The following NXPE2 variants were observed in gnomAD, a reference collection of about 807,000 sequenced individuals.
NXPE2 encodes the protein neurexophilin and PC-esterase domain family member 2, also known as NXPE family member 2.
In NXPE2, 34 loss-of-function variants were observed where a neutral mutation model predicts 34.4. The observed-to-expected ratio is 0.99, with a 90% CI of 0.75 to 1.31. NXPE2 has a LOEUF of 1.31. Among genes scored for constraint, NXPE2 ranks in the 40% most tolerant of loss-of-function variants. The probability of loss-of-function intolerance (pLI) is 0.00; values close to 1 mark genes in which losing one functional copy is unlikely to be tolerated. For synonymous variants in NXPE2, 235 were observed against 231.3 expected (o/e 1.02, Z -0.15); for missense variants, 649 against 672.5 (o/e 0.97, Z 0.39).
chr11:114,764,465 C>G, the NXPE2 span, among the ~76,000 whole-genome samples: 1 of 151,132 alleles, frequency 6.6e-6, no homozygotes, highest in East Asian at 1.9e-4. Flanking sequence ...TCTGTGTGTG[C>G]GCCTCTACAT....
the NXPE2 span, among the ~76,000 whole-genome samples, chr11:114,797,549 C>T: frequency 2.6e-5 from 4 of 152,272 alleles, no homozygotes; most frequent in African/African-American, 9.6e-5. Context: ...GCACGTGGAG[C>T]TCCTCAGGCT....
chr11:114,632,110 A>G, the NXPE2 span, among the ~76,000 whole-genome samples: 2 of 144,762 alleles, frequency 1.4e-5, no homozygotes, highest in Non-Finnish European at 3.0e-5. Flanking sequence ...TGTAATATAT[A>G]AATTATATAT....
chr11:114,570,943 A>G, the NXPE2 span: 1 of 1,568,746 alleles, frequency 6.4e-7, no homozygotes, highest in Non-Finnish European at 8.7e-7. Flanking sequence ...GTTATTTAAC[A>G]AATATAGTTT....
the NXPE2 span, among the ~76,000 whole-genome samples, chr11:114,603,482 C>G: frequency 6.6e-6 from 1 of 151,336 alleles, no homozygotes; most frequent in Non-Finnish European, 1.5e-5. Flanking sequence ...TGCCTCGTCT[C>G]CTAGGTAACT....
At chr11:114,656,562 G>A in the NXPE2 span, among the ~76,000 whole-genome samples, 1 of 152,020 alleles carries the variant, frequency 6.6e-6, no homozygotes, top group Non-Finnish European at 1.5e-5. Flanking sequence ...TCAAAGAGAT[G>A]TTGTGATAAG....
the NXPE2 span, among the ~76,000 whole-genome samples, chr11:114,720,018 G>T: frequency 6.6e-6 from 1 of 152,184 alleles, no homozygotes; most frequent in East Asian, 1.9e-4. Flanking sequence ...CACAGTTGGG[G>T]TTGTCTCTGA....
At chr11:114,591,475 T>G in the NXPE2 span, among the ~76,000 whole-genome samples, 1 of 152,164 alleles carries the variant, frequency 6.6e-6, no homozygotes, top group African/African-American at 2.4e-5. Context: ...AGGAAACAAG[T>G]TAGCAGATCA....
At chr11:114,601,918 A>ATAT in the NXPE2 span, among the ~76,000 whole-genome samples, 13,491 of 55,616 alleles carry the variant, frequency 0.24, 1,414 homozygotes, top group African/African-American at 0.28. Context: ...ATATAATTAT[A>ATAT]TATAATATAT....
chr11:114,594,581 T>C, the NXPE2 span: 7 of 852,178 alleles, frequency 8.2e-6, no homozygotes, highest in Non-Finnish European at 1.4e-5. Context: ...TCTACAAGTC[T>C]TGTAGTTTAG....
the NXPE2 span, among the ~76,000 whole-genome samples, chr11:114,671,970 C>T: frequency 3.9e-5 from 6 of 152,026 alleles, no homozygotes; most frequent in Non-Finnish European, 8.8e-5. Context: ...CAGGCTTCTA[C>T]TTCTAAGGAG....
At chr11:114,474,387 AC>A in the NXPE2 span, among the ~76,000 whole-genome samples, 1 of 152,164 alleles carries the variant, frequency 6.6e-6, no homozygotes, top group Non-Finnish European at 1.5e-5. Context: ...AGCAAATGGA[AC>A]CTTTTCCCAT....
chr11:114,667,283 G>A, the NXPE2 span, among the ~76,000 whole-genome samples: 1 of 152,094 alleles, frequency 6.6e-6, no homozygotes, highest in African/African-American at 2.4e-5. Context: ...GAGTAACAGA[G>A]TGAATTTTAA....
the NXPE2 span, among the ~76,000 whole-genome samples, chr11:114,602,282 ATATGT>A: frequency 6.7e-5 from 8 of 118,874 alleles, 1 homozygote; most frequent in African/African-American, 2.7e-4. Context: ...TATACTATAT[ATATGT>A]TATCTATAAC....
chr11:114,718,871 A>G, the NXPE2 span, among the ~76,000 whole-genome samples: 1 of 152,238 alleles, frequency 6.6e-6, no homozygotes, highest in East Asian at 1.9e-4. Flanking sequence ...TCTTATGGTG[A>G]AACTGAACCC....
At chr11:114,494,911 T>A in the NXPE2 span, among the ~76,000 whole-genome samples, 6 of 152,210 alleles carry the variant, frequency 3.9e-5, no homozygotes, top group Admixed American at 3.9e-4. Flanking sequence ...ACTGCAACCA[T>A]ACTGGCTTTA....
the NXPE2 span, among the ~76,000 whole-genome samples, chr11:114,485,375 ATTT>A: frequency 9.1e-6 from 1 of 109,426 alleles, no homozygotes; most frequent in Non-Finnish European, 1.8e-5. Flanking sequence ...CGCCTGGCTA[ATTT>A]TTGTCTTTTT....
At chr11:114,627,916 A>G in the NXPE2 span, among the ~76,000 whole-genome samples, 2 of 151,960 alleles carry the variant, frequency 1.3e-5, no homozygotes, top group Non-Finnish European at 1.5e-5. Flanking sequence ...ATCAAAAGAG[A>G]CAAAGAAGGC....
chr11:114,756,814 A>T, the NXPE2 span, among the ~76,000 whole-genome samples: 1 of 152,170 alleles, frequency 6.6e-6, no homozygotes, highest in East Asian at 1.9e-4. Context: ...TTTTAAACAT[A>T]TGCAGCCAAC....
chr11:114,624,168 T>C, the NXPE2 span, among the ~76,000 whole-genome samples: 1 of 151,772 alleles, frequency 6.6e-6, no homozygotes, highest in Non-Finnish European at 1.5e-5. Flanking sequence ...ACCAATGTTA[T>C]ATGGTAGATA....
Sources: gnomAD v4.1 joint callset for allele counts (sites outside exome capture counted in the v4.1 genomes callset) on GRCh38, gnomAD v4.1.1 for gene constraint, MANE v1.5 for transcripts, NCBI Gene and HGNC (gene_info 2026-07-23, HGNC 2026-07-21) for gene names.